RAB8A: variants seen among roughly 807,000 people sequenced by gnomAD.
The protein encoded by RAB8A is ras-related protein Rab-8A.
A neutral mutation model predicts 29.2 loss-of-function variants in RAB8A; 5 were observed. That is an observed-to-expected ratio of 0.17 (90% confidence interval 0.09 to 0.36). The LOEUF is 0.36. Among genes scored for constraint, RAB8A ranks in the 10% least tolerant of loss-of-function variants. RAB8A has a pLI of 1.00. For synonymous variants in RAB8A, 108 were observed against 99.9 expected (o/e 1.08, Z -0.49); for missense variants, 171 against 272.2 (o/e 0.63, Z 2.62).
Position 16,122,004 on chromosome 19 carries a change from G to A in RAB8A, c.246+194G>A. On this transcript the variant is annotated intron_variant, in intron 3 of 7. Coordinates refer to ENST00000300935, the MANE Select transcript of RAB8A (RefSeq NM_005370.5). The surrounding 1 kb of genome is among the most constrained non-coding windows in gnomAD (Gnocchi z 4.7). ...CCCCCATGTACATACCTCCCCTTCT[G>A]GCTGCAGAGACAATGCAAGGTTTAA... 1 of 532,750 alleles carries A rather than the reference G, an allele frequency of 1.9e-6. No homozygotes were observed. Among genetic ancestry groups the A allele is most frequent in the Non-Finnish European group, 3.4e-6 (1 of 290,138 alleles). The allele number at this position is 532,750 out of a possible 1,614,324, so 33.0% of individuals were successfully genotyped here. A position where few individuals can be genotyped will look rare whatever the true frequency, so the allele number is the denominator to read the frequency against.
chr19:16,112,652 A>G (rs1173362454), intron 1 of RAB8A: 1 of 155,606 alleles, frequency 6.4e-6, no homozygotes, highest in East Asian at 1.9e-4. Flanking sequence ...TAGCTCTCCT[A>G]GAGAGATGCC....
chr19:16,115,606 C>G (rs1192187141), intron 1 of RAB8A, among the ~76,000 whole-genome samples: 1 of 152,162 alleles, frequency 6.6e-6, no homozygotes, highest in Admixed American at 6.5e-5. Flanking sequence ...GACCCTGTTG[C>G]GCTTTAATAC....
chr19:16,119,481 A>G (rs2090863464), intron 2 of RAB8A, among the ~76,000 whole-genome samples: 1 of 152,162 alleles, frequency 6.6e-6, no homozygotes. Flanking sequence ...CTGGGATTAT[A>G]GGCGTGAGCC....
chr19:16,130,176 C>T (rs1187668060), intron 7 of RAB8A, among the ~76,000 whole-genome samples: 1 of 151,492 alleles, frequency 6.6e-6, no homozygotes. Context: ...ACCACGTTAG[C>T]GATTTCCTAG....
intron 7 of RAB8A, among the ~76,000 whole-genome samples, 195 bp downstream of exon 7, chr19:16,129,799 G>A (rs1221510640): frequency 1.3e-5 from 2 of 152,180 alleles, no homozygotes; most frequent in Non-Finnish European, 1.5e-5. Flanking sequence ...GCCTGGGGAC[G>A]CTGCCCAAGC....
chr19:16,120,934 T>G (rs2090872501), intron 2 of RAB8A, among the ~76,000 whole-genome samples: 1 of 146,544 alleles, frequency 6.8e-6, no homozygotes, highest in Non-Finnish European at 1.5e-5. Context: ...TTTTTTTTTT[T>G]GAGACGGAGT....
intron 1 of RAB8A, among the ~76,000 whole-genome samples, chr19:16,115,178 C>T (rs1435304639): frequency 6.6e-6 from 1 of 152,074 alleles, no homozygotes; most frequent in Non-Finnish European, 1.5e-5. Flanking sequence ...TTCCCAGCTA[C>T]TCAGGAGGCT....
rs776904358 is a variant in RAB8A, at chr19:16,127,945, C to T, written c.415-81C>T. ...TTGCTGCTCCCTCTTGGCGCCGGCC[C>T]TGCCTTCAGCTCCTGTTTTAGGCAA... is the stretch of plus-strand genomic sequence containing the variant. On this transcript the variant is annotated intron_variant, in intron 5 of 7. Transcript: ENST00000300935. The surrounding 1 kb of genome is among the most constrained non-coding windows in gnomAD (Gnocchi z 4.8). 6.8e-7 allele frequency: 1 copy of T among 1,467,660 alleles called. No individual in the cohort carries two copies. The allele number at this position is 1,467,660 out of a possible 1,614,324, so 90.9% of individuals were successfully genotyped here.
At chr19:16,114,337 C>T (rs1194947630) in intron 1 of RAB8A, among the ~76,000 whole-genome samples, 2 of 149,718 alleles carry the variant, frequency 1.3e-5, no homozygotes, top group African/African-American at 4.9e-5. Flanking sequence ...CTTGCATTCA[C>T]TCAGATCCCA....
At position 16,111,976 on chromosome 19, in the gene RAB8A, G is replaced by C. The variant is rs1481963665; in HGVS notation, c.75G>C (p.Leu25=). The change falls in exon 1 of 8, where the codon CTG becomes CTC. Residue 25 remains leucine, a synonymous_variant. Transcript: ENST00000300935. ...GDSGVGKTCV[L]FRFSEDAFNS... is the part of the protein sequence containing the mutation. ...CGGGGGTGGGGAAGACCTGTGTCCT[G>C]TTCCGCTTCTCCGAGGACGCCTTCA... The C allele has an allele frequency of 2.5e-6, 4 of 1,613,956 alleles. No individual in the cohort carries two copies. The highest frequency in any genetic ancestry group is 3.4e-6 in the Non-Finnish European group (4 of 1,179,908).
intron 1 of RAB8A, among the ~76,000 whole-genome samples, chr19:16,116,361 G>A (rs2090845677): frequency 6.6e-6 from 1 of 152,116 alleles, no homozygotes; most frequent in Non-Finnish European, 1.5e-5. Context: ...CGAGGGAAGT[G>A]GGGCAGGGAA....
In RAB8A at chr19:16,122,142, A is replaced by G; in HGVS notation, c.246+332A>G. The G allele has an allele frequency of 4.1e-6, 1 of 245,536 alleles. No individual in the cohort carries two copies. Among genetic ancestry groups the G allele is most frequent in the Non-Finnish European group, 8.0e-6 (1 of 125,332 alleles). The allele number at this position is 245,536 out of a possible 1,614,324, so 15.2% of individuals were successfully genotyped here. A position where few individuals can be genotyped will look rare whatever the true frequency, so the allele number is the denominator to read the frequency against. On this transcript the variant is annotated intron_variant, in intron 3 of 7. Transcript: ENST00000300935. This position sits in a 1 kb window ranked among gnomAD's most constrained non-coding sequence, Gnocchi z 4.7. Reference sequence around the variant, plus strand: ...TGCCCCGACTTTTAGGAGCTGTCACATGACCTGCATCTGTCTCTGAAATTT... The same window carrying G: ...TGCCCCGACTTTTAGGAGCTGTCACGTGACCTGCATCTGTCTCTGAAATTT...
rs1599397113 is a variant in RAB8A, at chr19:16,122,948, G to A, written c.246+1138G>A. Among the ~76,000 whole-genome samples, 1 of 152,086 alleles carries A rather than the reference G, an allele frequency of 6.6e-6. No homozygotes were observed. Among genetic ancestry groups the A allele is most frequent in the Admixed American group, 6.5e-5 (1 of 15,274 alleles). On this transcript the variant is annotated intron_variant, in intron 3 of 7. Transcript: ENST00000300935. This position sits in a 1 kb window ranked among gnomAD's most constrained non-coding sequence, Gnocchi z 4.7. ...AAAACTGTGACCTGGGGCCTGTCCC[G>A]ATCTTCTCTGGGCCCAAATAGCCAC...
At position 16,127,968 on chromosome 19, in the gene RAB8A, C is replaced by A; in HGVS notation, c.415-58C>A. ...CCCTGCCTTCAGCTCCTGTTTTAGG[C>A]AAGCTCAGATGCGCCCGGCGGCTGG... On this transcript the variant is annotated intron_variant, in intron 5 of 7. Coordinates refer to ENST00000300935, the MANE Select transcript of RAB8A (RefSeq NM_005370.5). This position sits in a 1 kb window ranked among gnomAD's most constrained non-coding sequence, Gnocchi z 4.8. 6.3e-7 allele frequency: 1 copy of A among 1,578,322 alleles called. No homozygotes were observed. Among genetic ancestry groups the A allele is most frequent in the Non-Finnish European group, 8.7e-7 (1 of 1,147,706 alleles).
At chr19:16,129,469 C>A in intron 6 of RAB8A, 85 bp from the exon 7 acceptor site, 1 of 1,364,108 alleles carries the variant, frequency 7.3e-7, no homozygotes, top group Non-Finnish European at 1.0e-6. Context: ...GCCTGGGAAG[C>A]TGTCTCACCA....
In RAB8A at chr19:16,125,823, C is replaced by G. The variant is rs1364971108; in HGVS notation, c.324+276C>G. On this transcript the variant is annotated intron_variant, in intron 4 of 7. Coordinates refer to ENST00000300935, the MANE Select transcript of RAB8A (RefSeq NM_005370.5). The surrounding 1 kb of genome is among the most constrained non-coding windows in gnomAD (Gnocchi z 5.0). ...TCATGGTTATAAGAGAAAGGATATCCAAGCTTGTGGTCACCATGAGTGTTG... is the reference window on the plus strand; with the variant it reads ...TCATGGTTATAAGAGAAAGGATATCGAAGCTTGTGGTCACCATGAGTGTTG... 1.8e-6 allele frequency: 1 copy of G among 563,104 alleles called. No homozygotes were observed. The highest frequency in any genetic ancestry group is 3.3e-6 in the Non-Finnish European group (1 of 305,218). The allele number at this position is 563,104 out of a possible 1,614,324, so 34.9% of individuals were successfully genotyped here. A position where few individuals can be genotyped will look rare whatever the true frequency, so the allele number is the denominator to read the frequency against.
chr19:16,125,478 G>A lies in RAB8A; in HGVS notation c.255G>A (p.Met85Ile). Reference sequence around the variant, plus strand: ...CTTCTCTCCCCGCGCAGGGCATCATGCTGGTCTACGACATCACCAACGAGA... The same window carrying A: ...CTTCTCTCCCCGCGCAGGGCATCATACTGGTCTACGACATCACCAACGAGA... The part of the protein sequence containing the change: ...TAYYRGAMGI[M>I]LVYDITNEKS... The change falls in exon 4 of 8, where the codon ATG becomes ATA. Residue 85 changes from methionine (M) to isoleucine (I), a missense_variant. This residue lies in a region of RAB8A where 145 missense variants were observed against 212.8 expected (regional missense o/e 0.68). Coordinates refer to ENST00000300935, the MANE Select transcript of RAB8A (RefSeq NM_005370.5). This position sits in a 1 kb window ranked among gnomAD's most constrained non-coding sequence, Gnocchi z 5.0. 6.2e-7 allele frequency: 1 copy of A among 1,614,106 alleles called. No homozygotes were observed. The highest frequency in any genetic ancestry group is 8.5e-7 in the Non-Finnish European group (1 of 1,179,960).
Position 16,126,155 on chromosome 19 carries a change from A to G in RAB8A, c.324+608A>G, listed in dbSNP as rs1199761745. On this transcript the variant is annotated intron_variant, in intron 4 of 7. Coordinates refer to ENST00000300935, the MANE Select transcript of RAB8A (RefSeq NM_005370.5). ...GGGGCTTCAGGTCTGAGGCACAGCC[A>G]GAGAACTTTTCCCATCTATAAAACC... 1.1e-5 allele frequency: 2 copies of G among 179,850 alleles called. 1 individual carries two copies. The highest frequency in any genetic ancestry group is 2.4e-4 in the South Asian group (2 of 8,416). The allele number at this position is 179,850 out of a possible 1,614,324, so 11.1% of individuals were successfully genotyped here. A position where few individuals can be genotyped will look rare whatever the true frequency, so the allele number is the denominator to read the frequency against.
intron 1 of RAB8A, among the ~76,000 whole-genome samples, chr19:16,115,504 C>T (rs550028494): frequency 2.6e-5 from 4 of 152,192 alleles, no homozygotes; most frequent in Admixed American, 6.5e-5. Flanking sequence ...CAGCCTGGCT[C>T]GGCGCCACTG....
Sources: allele counts gnomAD v4.1 joint callset (sites outside exome capture counted in the v4.1 genomes callset), GRCh38; gene constraint gnomAD v4.1.1; regional missense constraint gnomAD v4.1.1; non-coding constraint Gnocchi (gnomAD v3.1); transcripts MANE v1.5; gene names NCBI Gene and HGNC (gene_info 2026-07-23, HGNC 2026-07-21).